Variants in ZBTB25 observed in about 807,000 individuals in gnomAD.
The protein encoded by ZBTB25 is zinc finger and BTB domain containing 25.
In ZBTB25, 20 loss-of-function variants were observed where a neutral mutation model predicts 34.2. That is an observed-to-expected ratio of 0.58 (90% confidence interval 0.41 to 0.85). ZBTB25 has a LOEUF of 0.85. Among genes scored for constraint, ZBTB25 ranks in the 40% least tolerant of loss-of-function variants. The pLI is 0.00. For missense variants in ZBTB25, 437 were observed against 521.8 expected (o/e 0.84, Z 1.58); for synonymous variants, 175 against 186.4 (o/e 0.94, Z 0.50).
intron 2 of ZBTB25, chr14:64,460,809 T>A (rs1005332051): frequency 1.3e-5 from 2 of 152,140 alleles, no homozygotes; most frequent in African/African-American, 2.4e-5. Context: ...GCGGATCACT[T>A]GAGGTCTGGG....
rs1034316320 is a variant in ZBTB25 at position 64,453,759 on chromosome 14, A to T, written c.174-4121T>A. 2 of 1,599,696 alleles carry T rather than the reference A, an allele frequency of 1.3e-6. No homozygotes were observed. The highest frequency in any genetic ancestry group is 8.6e-7 in the Non-Finnish European group (1 of 1,167,350). On this transcript the variant is annotated intron_variant, in intron 2 of 2. Transcript: ENST00000555220. ...ATCTCTTTCTTGTGCATTAGCTCCC[A>T]GTTGAGGATAAAATCAGGATCATTG...
At chr14:64,501,065 C>A (rs1362049179) in intron 1 of ZBTB25, among the ~76,000 whole-genome samples, 2 of 151,616 alleles carry the variant, frequency 1.3e-5, no homozygotes, top group Non-Finnish European at 2.9e-5. Context: ...AACAAACAAA[C>A]AAAAAAAACC....
intron 2 of ZBTB25, chr14:64,467,109 T>A (rs2078620243): frequency 6.6e-6 from 1 of 152,238 alleles, no homozygotes; most frequent in South Asian, 2.1e-4. Context: ...TTTTTTAATT[T>A]TTTTACTAAT....
chr14:64,499,103 A>AG (rs138038309), intron 1 of ZBTB25, among the ~76,000 whole-genome samples: 34,904 of 152,116 alleles, frequency 0.23, 4,640 homozygotes, highest in Non-Finnish European at 0.31. Context: ...TCTAGATTGT[A>AG]TAACTCTGGA....
intron 2 of ZBTB25, chr14:64,462,854 C>T (rs954279764): frequency 1.3e-5 from 2 of 152,086 alleles, no homozygotes; most frequent in African/African-American, 2.4e-5. Context: ...AGGGCTTATT[C>T]CCAGAAGGCC....
intron 1 of ZBTB25, among the ~76,000 whole-genome samples, chr14:64,494,234 C>G (rs776706871): frequency 1.4e-4 from 21 of 152,134 alleles, no homozygotes; most frequent in Non-Finnish European, 2.1e-4. Flanking sequence ...GGGTGAGGCC[C>G]ATTACAAACA....
intron 2 of ZBTB25, among the ~76,000 whole-genome samples, chr14:64,463,665 C>G (rs932013882): frequency 4.0e-5 from 6 of 150,834 alleles, no homozygotes; most frequent in African/African-American, 9.7e-5. Flanking sequence ...GGCATGTGGT[C>G]GCATACCTGT....
intron 2 of ZBTB25, chr14:64,460,543 T>A (rs1214717590): frequency 1.3e-5 from 2 of 152,048 alleles, no homozygotes; most frequent in Non-Finnish European, 2.9e-5. Flanking sequence ...CAGGCTGGAG[T>A]GCAGTGGCGC....
At chr14:64,473,229 CAAA>C (rs1243012741), downstream of ZBTB25, 1 of 166,898 alleles carries the variant, frequency 6.0e-6, no homozygotes, top group Admixed American at 6.6e-5. Flanking sequence ...TAGCAGAAAA[CAAA>C]AGAACTTTCA....
At chr14:64,496,721 A>T (rs2079290950) in intron 1 of ZBTB25, among the ~76,000 whole-genome samples, 1 of 151,866 alleles carries the variant, frequency 6.6e-6, no homozygotes, top group African/African-American at 2.4e-5. Flanking sequence ...ATACAGCTGG[A>T]CTCTCTTATC....
chr14:64,504,857 C>T (rs1226307847), upstream of ZBTB25: 3 of 396,902 alleles, frequency 7.6e-6, no homozygotes, highest in Non-Finnish European at 1.3e-5. Context: ...CACTGCAGCT[C>T]GCGGCCCCTT....
intron 1 of ZBTB25, among the ~76,000 whole-genome samples, chr14:64,491,985 G>A (rs766414846): frequency 2.6e-5 from 4 of 151,920 alleles, no homozygotes; most frequent in Non-Finnish European, 5.9e-5. Context: ...CAGGCACGGT[G>A]GTGCATGCTT....
chr14:64,475,222 A>G (rs2078708659), downstream of ZBTB25, among the ~76,000 whole-genome samples: 1 of 152,128 alleles, frequency 6.6e-6, no homozygotes, highest in South Asian at 2.1e-4. Context: ...GGCGGATCAC[A>G]AGGTCAGGAG....
At chr14:64,468,419 C>T in intron 2 of ZBTB25, 2 of 1,603,276 alleles carry the variant, frequency 1.2e-6, no homozygotes, top group African/African-American at 1.3e-5. Context: ...TTCAGAAATT[C>T]ATGTAGAAAA....
At chr14:64,458,764 A>G (rs1185589205) in intron 2 of ZBTB25, 1 of 205,100 alleles carries the variant, frequency 4.9e-6, no homozygotes, top group Admixed American at 5.3e-5. Flanking sequence ...AACAGGACCA[A>G]TCTGGCAGTT....
chr14:64,466,920 C>T (rs1038505325), intron 2 of ZBTB25, among the ~76,000 whole-genome samples: 1 of 152,262 alleles, frequency 6.6e-6, no homozygotes, highest in Admixed American at 6.5e-5. Context: ...TTTATATTAT[C>T]TAAGTTTGCC....
chr14:64,458,885 G>A (rs2078518902), intron 2 of ZBTB25, among the ~76,000 whole-genome samples: 1 of 152,102 alleles, frequency 6.6e-6, no homozygotes, highest in South Asian at 2.1e-4. Context: ...GCAGACCCTT[G>A]GGGCTGAAGC....
chr14:64,494,141 A>G (rs995679470), intron 1 of ZBTB25, among the ~76,000 whole-genome samples: 2 of 152,208 alleles, frequency 1.3e-5, no homozygotes, highest in African/African-American at 4.8e-5. Context: ...GGAGGAGAAA[A>G]AAGAAAACAT....
At chr14:64,449,517 G>A in exon 3 of ZBTB25, 1 of 1,614,204 alleles carries the variant, frequency 6.2e-7, no homozygotes, top group Non-Finnish European at 8.5e-7. Context: ...ATGCCGTGAA[G>A]TGCACTCACT....
Sources: gnomAD v4.1 joint callset for allele counts (sites outside exome capture counted in the v4.1 genomes callset) on GRCh38, gnomAD v4.1.1 for gene constraint, MANE v1.5 for transcripts, NCBI Gene and HGNC (gene_info 2026-07-23, HGNC 2026-07-21) for gene names.